The following ZNF704 variants were observed in gnomAD, a reference collection of about 807,000 sequenced individuals.
ZNF704 encodes zinc finger protein 704.
ZNF704 carries 10 observed loss-of-function variants against 44.7 expected under a neutral mutation model. That is an observed-to-expected ratio of 0.22 (90% CI 0.14 to 0.38). ZNF704 has a LOEUF of 0.38. Among genes scored for constraint, ZNF704 ranks in the 10% least tolerant of loss-of-function variants. The pLI, the probability that ZNF704 is intolerant of heterozygous loss-of-function variation, is 1.00. For missense variants in ZNF704, 390 were observed against 545.5 expected, an observed-to-expected ratio of 0.71 and a Z score of 2.84; for synonymous variants, 211 against 207.6, an observed-to-expected ratio of 1.02 and a Z score of -0.14.
At chr8:80,689,307 G>A (rs1818592742) in intron 3 of ZNF704, among the ~76,000 whole-genome samples, 1 of 152,158 alleles carries the variant, frequency 6.6e-6, no homozygotes, top group African/African-American at 2.4e-5. Flanking sequence ...AAAAAGTTAA[G>A]TTAGAGGAGT....
At chr8:80,853,818 A>G (rs1808913055) in intron 1 of ZNF704, among the ~76,000 whole-genome samples, 1 of 152,180 alleles carries the variant, frequency 6.6e-6, no homozygotes, top group Non-Finnish European at 1.5e-5. Context: ...GAAAATGAGA[A>G]GCAATGGGTG....
At chr8:80,821,257 G>T in intron 2 of ZNF704, 117 bp downstream of exon 2, 4 of 1,118,710 alleles carry the variant, frequency 3.6e-6, no homozygotes, top group East Asian at 4.8e-5. Flanking sequence ...AAAATTTCTT[G>T]GCAGAAAACC....
At chr8:80,700,514 T>C (rs955319691) in intron 2 of ZNF704, among the ~76,000 whole-genome samples, 2 of 152,248 alleles carry the variant, frequency 1.3e-5, no homozygotes, top group African/African-American at 4.8e-5. Flanking sequence ...CAAGTTATTA[T>C]TATCCTCCTC....
intron 2 of ZNF704, among the ~76,000 whole-genome samples, chr8:80,693,986 C>G (rs1487082361): frequency 6.6e-6 from 1 of 152,044 alleles, no homozygotes; most frequent in African/African-American, 2.4e-5. Flanking sequence ...CGAGCTTGGA[C>G]TAGGGTGGGG....
At chr8:80,791,921 G>C (rs528643283) in intron 2 of ZNF704, among the ~76,000 whole-genome samples, 4 of 152,336 alleles carry the variant, frequency 2.6e-5, no homozygotes, top group East Asian at 3.9e-4. Context: ...GGCTGGACTT[G>C]AGTCTTGGGA....
At chr8:80,828,438 A>G (rs1488486127) in intron 1 of ZNF704, among the ~76,000 whole-genome samples, 1 of 152,218 alleles carries the variant, frequency 6.6e-6, no homozygotes, top group Admixed American at 6.5e-5. Context: ...CTATTGTACA[A>G]AGATGAGTCT....
At chr8:80,817,597 A>G (rs1001142329) in intron 2 of ZNF704, among the ~76,000 whole-genome samples, 1 of 152,202 alleles carries the variant, frequency 6.6e-6, no homozygotes, top group Non-Finnish European at 1.5e-5. Flanking sequence ...TGCTTCTCCA[A>G]TGACCCAGCC....
rs899232932 is a variant in ZNF704, at chr8:80,865,038, G to A, written c.-22+9533C>T. On this transcript the variant is annotated intron_variant, in intron 1 of 8. Transcript: ENST00000327835. ...ATTAAAGCTCACCACATATTATGAC[G>A]GAACACCACAGAGCTCAGATGAATG... is the stretch of plus-strand genomic sequence containing the variant. Among the ~76,000 whole-genome samples the A allele has an allele frequency of 5.3e-5, 8 of 152,080 alleles. No individual in the cohort carries two copies. In the East Asian group the frequency reaches 5.8e-4, roughly 11 times the overall value.
intron 2 of ZNF704, among the ~76,000 whole-genome samples, chr8:80,798,185 C>G (rs572549179): frequency 1.3e-5 from 2 of 152,156 alleles, no homozygotes; most frequent in Non-Finnish European, 2.9e-5. Context: ...CAAGAAGGGC[C>G]TTTACACATG....
intron 2 of ZNF704, among the ~76,000 whole-genome samples, chr8:80,782,641 G>A (rs1239088866): frequency 6.6e-6 from 1 of 152,172 alleles, no homozygotes; most frequent in Non-Finnish European, 1.5e-5. Context: ...AGTAATGGGA[G>A]TGTAACCAGA....
chr8:80,652,390 T>A (rs912046832), intron 7 of ZNF704, among the ~76,000 whole-genome samples: 1 of 151,688 alleles, frequency 6.6e-6, no homozygotes, highest in Non-Finnish European at 1.5e-5. Flanking sequence ...CTGTTTTTTT[T>A]AAAAGATCAA....
At chr8:80,771,438 G>C (rs909392241) in intron 2 of ZNF704, among the ~76,000 whole-genome samples, 3 of 151,956 alleles carry the variant, frequency 2.0e-5, no homozygotes, top group Non-Finnish European at 2.9e-5. Context: ...TTACAATTAA[G>C]TATATATTTT....
At position 80,751,927 on chromosome 8, in the gene ZNF704, A is replaced by T. The variant is rs186414250; in HGVS notation, c.222-58820T>A. On this transcript the variant is annotated intron_variant, in intron 2 of 8. Coordinates refer to ENST00000327835, the MANE Select transcript of ZNF704 (RefSeq NM_001033723.3). ...AGCTAATTTGTGTATTTTTTTTAGT[A>T]GAAATGGGGTTTCACCATGTTGGCC... 3.3e-3 allele frequency among the ~76,000 whole-genome samples: 504 copies of T among 152,208 alleles called. 3 individuals carry two copies. The highest frequency in any genetic ancestry group is 0.011 in the African/African-American group (473 of 41,518).
chr8:80,806,540 T>C (rs1263671321), intron 2 of ZNF704, among the ~76,000 whole-genome samples: 1 of 152,168 alleles, frequency 6.6e-6, no homozygotes, highest in East Asian at 1.9e-4. Flanking sequence ...GTCTGGGAAA[T>C]GAAGAAGCAA....
chr8:80,782,748 A>G (rs1381573883), intron 2 of ZNF704, among the ~76,000 whole-genome samples: 1 of 152,176 alleles, frequency 6.6e-6, no homozygotes, highest in Non-Finnish European at 1.5e-5. Flanking sequence ...TTGAGGAAGT[A>G]CAGTCGCTGC....
At chr8:80,780,062 G>A (rs1004931991) in intron 2 of ZNF704, among the ~76,000 whole-genome samples, 3 of 152,076 alleles carry the variant, frequency 2.0e-5, no homozygotes, top group African/African-American at 7.2e-5. Context: ...ACAGGGGTAG[G>A]GGTCATGGTG....
At chr8:80,665,820 T>C (rs1265050526) in intron 5 of ZNF704, among the ~76,000 whole-genome samples, 1 of 151,278 alleles carries the variant, frequency 6.6e-6, no homozygotes, top group Admixed American at 6.6e-5. Context: ...TATTTTATTT[T>C]ATTTTATTTT....
intron 1 of ZNF704, among the ~76,000 whole-genome samples, chr8:80,844,291 G>A (rs1462881246): frequency 1.3e-5 from 2 of 152,158 alleles, no homozygotes; most frequent in African/African-American, 4.8e-5. Flanking sequence ...GGAAGTACAA[G>A]ATCAAGGCAC....
chr8:80,848,509 AT>A (rs1366057753), intron 1 of ZNF704, among the ~76,000 whole-genome samples: 1 of 152,194 alleles, frequency 6.6e-6, no homozygotes, highest in African/African-American at 2.4e-5. Context: ...CTTCTGTATT[AT>A]TTCTTACAAT....
Sources: gnomAD v4.1 joint callset for allele counts (sites outside exome capture counted in the v4.1 genomes callset) on GRCh38, gnomAD v4.1.1 for gene constraint, MANE v1.5 for transcripts, NCBI Gene and HGNC (gene_info 2026-07-23, HGNC 2026-07-21) for gene names.